The following RAPGEF1 variants were observed in gnomAD, a reference collection of about 807,000 sequenced individuals.
The protein encoded by RAPGEF1 is CRK SH3-binding GNRP.
A neutral mutation model predicts 143.3 loss-of-function variants in RAPGEF1; 33 were observed. The observed-to-expected ratio is 0.23, with a 90% CI of 0.17 to 0.31. The LOEUF (loss-of-function observed/expected upper bound fraction) is 0.31, where lower values mean the gene tolerates loss of function less well. Among genes scored for constraint, RAPGEF1 ranks in the 10% least tolerant of loss-of-function variants. RAPGEF1 has a pLI of 1.00. For missense variants in RAPGEF1, 1,199 were observed against 1,645.4 expected (o/e 0.73, Z 4.69); for synonymous variants, 629 against 676.5 (o/e 0.93, Z 1.09).
At chr9:131,613,562 C>T (rs761722685) in intron 12 of RAPGEF1, among the ~76,000 whole-genome samples, 2 of 152,152 alleles carry the variant, frequency 1.3e-5, no homozygotes, top group Non-Finnish European at 2.9e-5. Context: ...TGGAGAGAAG[C>T]GGACCCGCTC....
chr9:131,599,057 T>C (rs1268937655), intron 15 of RAPGEF1, among the ~76,000 whole-genome samples: 6 of 151,948 alleles, frequency 3.9e-5, no homozygotes, highest in Non-Finnish European at 1.5e-5. Flanking sequence ...ACTCCTGTCC[T>C]CGTGATCTGC....
chr9:131,586,899 CACACCTGCAGAGCGAGACTCCGTCTCAA>C (rs1953084037), intron 22 of RAPGEF1, among the ~76,000 whole-genome samples: 2 of 120,642 alleles, frequency 1.7e-5, no homozygotes, highest in Non-Finnish European at 3.5e-5. Context: ...AACACACACA[CACACCTGCAGAGCGAGACTCCGTCTCAA>C]ACACACACAC....
intron 19 of RAPGEF1, among the ~76,000 whole-genome samples, chr9:131,589,650 G>A (rs978546529): frequency 6.6e-6 from 1 of 152,102 alleles, no homozygotes. Flanking sequence ...CGTTGGGCGG[G>A]TTCTCTCCTG....
intron 1 of RAPGEF1, among the ~76,000 whole-genome samples, chr9:131,716,002 G>A (rs989719266): frequency 6.6e-6 from 1 of 152,072 alleles, no homozygotes; most frequent in South Asian, 2.1e-4. Context: ...TCCCATTGCA[G>A]TGCTCTCCCA....
At chr9:131,630,155 C>T (rs1395024211) in intron 6 of RAPGEF1, 81 bp downstream of exon 6, 1 of 1,290,540 alleles carries the variant, frequency 7.7e-7, no homozygotes, top group South Asian at 1.2e-5. Context: ...TGCTGCCCAC[C>T]CCACCGGGCC....
intron 6 of RAPGEF1, 44 bp from the exon 7 acceptor site, chr9:131,629,298 G>A (rs534905923): frequency 2.9e-5 from 46 of 1,579,248 alleles, no homozygotes; most frequent in South Asian, 7.9e-5. Context: ...GGTCAAAGGC[G>A]GGACAGAGCA....
chr9:131,721,660 C>T (rs1285947674), intron 1 of RAPGEF1, among the ~76,000 whole-genome samples: 2 of 152,034 alleles, frequency 1.3e-5, no homozygotes, highest in South Asian at 2.1e-4. Flanking sequence ...ACATTTGGCC[C>T]TCTGTAGCCA....
chr9:131,629,373 G>T, intron 6 of RAPGEF1, 119 bp from the exon 7 acceptor site: 1 of 1,030,586 alleles, frequency 9.7e-7, no homozygotes, highest in Non-Finnish European at 1.4e-6. Flanking sequence ...TGGGGCTGAA[G>T]AGCAGGCTCC....
chr9:131,642,020 T>C (rs1192772784), intron 4 of RAPGEF1, among the ~76,000 whole-genome samples: 1 of 152,232 alleles, frequency 6.6e-6, no homozygotes, highest in Non-Finnish European at 1.5e-5. Context: ...TCTTGCGGAA[T>C]TGCGACAGAG....
At position 131,657,575 on chromosome 9, in the gene RAPGEF1, C is replaced by T. The variant is rs560903241; in HGVS notation, c.62-6626G>A. Among the ~76,000 whole-genome samples, 6 of 151,878 alleles carry T rather than the reference C, an allele frequency of 4.0e-5. No individual in the cohort carries two copies. In the East Asian group the frequency reaches 7.7e-4, roughly 20 times the overall value. On this transcript the variant is annotated intron_variant, in intron 1 of 26. Coordinates refer to ENST00000683357, the MANE Select transcript of RAPGEF1 (RefSeq NM_001377935.1). ...GCCTAGCAAACAGAACCTTCTGCAG[C>T]GATGGAGGCGGCCGGTACCTGAACT... is the stretch of plus-strand genomic sequence containing the variant.
At chr9:131,710,847 C>T (rs987459185) in intron 1 of RAPGEF1, among the ~76,000 whole-genome samples, 3 of 152,176 alleles carry the variant, frequency 2.0e-5, no homozygotes, top group Non-Finnish European at 2.9e-5. Flanking sequence ...CGAGATCACA[C>T]CACTGCACTC....
intron 19 of RAPGEF1, among the ~76,000 whole-genome samples, chr9:131,589,273 C>G (rs1462747551): frequency 6.6e-6 from 1 of 152,230 alleles, no homozygotes; most frequent in East Asian, 1.9e-4. Context: ...AAGTCCTACA[C>G]GAATCCCGCC....
intron 1 of RAPGEF1, among the ~76,000 whole-genome samples, chr9:131,733,801 C>T (rs1837245671): frequency 6.6e-6 from 1 of 152,146 alleles, no homozygotes; most frequent in Admixed American, 6.5e-5. Flanking sequence ...GCACTCAAGG[C>T]AATCTCCAAT....
chr9:131,635,601 A>T (rs1393509856), intron 5 of RAPGEF1, among the ~76,000 whole-genome samples: 1 of 152,194 alleles, frequency 6.6e-6, no homozygotes, highest in Non-Finnish European at 1.5e-5. Context: ...CCACCAGGGC[A>T]TGGGCTTTTA....
chr9:131,711,599 C>T (rs1011826766), intron 1 of RAPGEF1, among the ~76,000 whole-genome samples: 1 of 152,206 alleles, frequency 6.6e-6, no homozygotes, highest in South Asian at 2.1e-4. Context: ...CTCAAGTGAT[C>T]CGCCCGCCTC....
In RAPGEF1 at chr9:131,628,282, G is replaced by C. The variant is rs188139619; in HGVS notation, c.1018-186C>G. 6.6e-6 allele frequency among the ~76,000 whole-genome samples: 1 copy of C among 152,198 alleles called. No individual in the cohort carries two copies. The highest frequency in any genetic ancestry group is 2.4e-5 in the African/African-American group (1 of 41,446). On this transcript the variant is annotated intron_variant, in intron 8 of 26. Coordinates refer to ENST00000683357, the MANE Select transcript of RAPGEF1 (RefSeq NM_001377935.1). This position sits in a 1 kb window ranked among gnomAD's most constrained non-coding sequence, Gnocchi z 5.7. ...AAGCAGCCATCTGGAGTTTGTGGGG[G>C]GTGTGGCCAGGGAGGGCCCTGGGGC...
At chr9:131,677,024 T>C (rs1832458109) in intron 1 of RAPGEF1, among the ~76,000 whole-genome samples, 1 of 152,250 alleles carries the variant, frequency 6.6e-6, no homozygotes, top group South Asian at 2.1e-4. Context: ...TGTCCCTTTT[T>C]ATTGTTTTAG....
At chr9:131,614,425 CTCTCTA>C (rs913936303) in intron 12 of RAPGEF1, among the ~76,000 whole-genome samples, 1 of 152,226 alleles carries the variant, frequency 6.6e-6, no homozygotes, top group Non-Finnish European at 1.5e-5. Flanking sequence ...CTCTCCTTCT[CTCTCTA>C]TCTCTCCCCT....
Position 131,628,996 on chromosome 9 carries a change from G to C in RAPGEF1, c.893+106C>G. 7.0e-7 allele frequency: 1 copy of C among 1,429,612 alleles called. No individual in the cohort carries two copies. Among genetic ancestry groups the C allele is most frequent in the Non-Finnish European group, 9.3e-7 (1 of 1,072,652 alleles). The allele number at this position is 1,429,612 out of a possible 1,614,324, so 88.6% of individuals were successfully genotyped here. On this transcript the variant is annotated intron_variant, in intron 7 of 26. Coordinates refer to ENST00000683357, the MANE Select transcript of RAPGEF1 (RefSeq NM_001377935.1). This position sits in a 1 kb window ranked among gnomAD's most constrained non-coding sequence, Gnocchi z 5.7. ...ACAGCTCCAGAGTCAGCCTCCCAAG[G>C]GGGGCCAAGCCCTCAGCGCTGAGGG...
Sources: gnomAD v4.1 joint callset for allele counts (sites outside exome capture counted in the v4.1 genomes callset) on GRCh38, gnomAD v4.1.1 for gene constraint, Gnocchi (gnomAD v3.1) non-coding constraint, MANE v1.5 for transcripts, NCBI Gene and HGNC (gene_info 2026-07-23, HGNC 2026-07-21) for gene names.